The following LRP12 variants were observed in gnomAD, a reference collection of about 807,000 sequenced individuals.
LRP12 encodes low-density lipoprotein receptor-related protein 12.
LRP12 carries 14 observed loss-of-function variants against 66.0 expected under a neutral mutation model. The observed-to-expected ratio is 0.21, with a 90% confidence interval of 0.14 to 0.33. The LOEUF (loss-of-function observed/expected upper bound fraction) is 0.33. Among genes scored for constraint, LRP12 ranks in the 10% least tolerant of loss-of-function variants. The probability of loss-of-function intolerance (pLI) is 1.00; values close to 1 mark genes in which losing one functional copy is unlikely to be tolerated. For synonymous variants in LRP12, 357 were observed against 359.1 expected (o/e 0.99, Z 0.07); for missense variants, 889 against 1,053.4 (o/e 0.84, Z 2.16).
At chr8:104,568,666 A>G (rs1812038638) in intron 1 of LRP12, among the ~76,000 whole-genome samples, 1 of 152,158 alleles carries the variant, frequency 6.6e-6, no homozygotes, top group Non-Finnish European at 1.5e-5. Flanking sequence ...GCCAATAAAC[A>G]TATGAGAAGA....
intron 1 of LRP12, among the ~76,000 whole-genome samples, chr8:104,541,763 T>C (rs1423918840): frequency 1.3e-5 from 2 of 152,218 alleles, no homozygotes; most frequent in Non-Finnish European, 2.9e-5. Flanking sequence ...ATACAATATG[T>C]GGTCTTTTGT....
At chr8:104,547,441 T>A (rs1357918016) in intron 1 of LRP12, among the ~76,000 whole-genome samples, 2 of 135,312 alleles carry the variant, frequency 1.5e-5, no homozygotes, top group Non-Finnish European at 3.1e-5. Flanking sequence ...TTCTGTTATA[T>A]TTTGTATATA....
intron 1 of LRP12, among the ~76,000 whole-genome samples, chr8:104,543,262 T>C (rs1811506236): frequency 6.6e-6 from 1 of 152,038 alleles, no homozygotes; most frequent in Non-Finnish European, 1.5e-5. Flanking sequence ...ATCAGTACCA[T>C]TTTTCCAAGA....
intron 2 of LRP12, among the ~76,000 whole-genome samples, chr8:104,531,495 T>C (rs1162487369): frequency 1.3e-5 from 2 of 152,106 alleles, no homozygotes; most frequent in African/African-American, 4.8e-5. Flanking sequence ...TCAAATACAA[T>C]AGTTATATGT....
intron 1 of LRP12, among the ~76,000 whole-genome samples, chr8:104,536,015 C>A (rs898919232): frequency 6.6e-6 from 1 of 151,988 alleles, no homozygotes; most frequent in Non-Finnish European, 1.5e-5. Context: ...TTCTACTGCT[C>A]AGTGAGAATA....
chr8:104,531,760 G>C (rs1811327828), intron 2 of LRP12, 147 bp downstream of exon 2: 1 of 571,446 alleles, frequency 1.7e-6, no homozygotes, highest in East Asian at 3.1e-5. Context: ...ATTTCTCCAT[G>C]TTCCAGTTAC....
At position 104,489,804 on chromosome 8, in the gene LRP12, G is replaced by A. The variant is rs1035188584; in HGVS notation, c.*869C>T. 14 of 152,682 alleles carry A rather than the reference G, an allele frequency of 9.2e-5. No individual in the cohort carries two copies. The highest frequency in any genetic ancestry group is 3.9e-4 in the East Asian group (2 of 5,182). 9.5% of individuals were successfully genotyped at this position (152,682 alleles called of 1,614,324 possible). On this transcript the variant is annotated 3_prime_UTR_variant, in exon 7 of 7. Coordinates refer to ENST00000276654, the MANE Select transcript of LRP12 (RefSeq NM_013437.5). ...CATCTGAGACCTTGATATAATTTTA[G>A]TGCAAATCCCTAGGGTCCAATGCAA...
intron 1 of LRP12, among the ~76,000 whole-genome samples, chr8:104,539,251 T>C (rs1588496777): frequency 6.6e-6 from 1 of 152,162 alleles, no homozygotes; most frequent in East Asian, 1.9e-4. Context: ...GGCATGGCAC[T>C]TATATTGATT....
chr8:104,490,770 C>T lies in LRP12; in HGVS notation c.2483G>A (p.Arg828His), dbSNP rs775999184. The T allele has an allele frequency of 1.6e-5, 26 of 1,613,954 alleles. No individual in the cohort carries two copies. The highest frequency in any genetic ancestry group is 1.0e-4 in the Admixed American group (6 of 59,988). ...CTGGGCAGTGTGGACAATACCACAGCGCTCACAGGGGCCATCTCGATTACT... is the reference window on the plus strand; with the variant it reads ...CTGGGCAGTGTGGACAATACCACAGTGCTCACAGGGGCCATCTCGATTACT... ...RPSNRDGPCE[R>H]CGIVHTAQIP... The change falls in exon 7 of 7, where the codon CGC becomes CAC. Residue 828 changes from arginine to histidine, a missense_variant. Around this residue, in one of 3 missense-constraint regions of LRP12, gnomAD observed 800 missense variants for 964.5 expected, o/e 0.83. Transcript: ENST00000276654.
intron 1 of LRP12, among the ~76,000 whole-genome samples, chr8:104,560,113 T>G (rs1418708567): frequency 6.6e-6 from 1 of 151,804 alleles, no homozygotes; most frequent in Non-Finnish European, 1.5e-5. Flanking sequence ...TCCAAAATAT[T>G]TATGGGTCTC....
intron 1 of LRP12, among the ~76,000 whole-genome samples, chr8:104,581,238 A>C (rs1812244586): frequency 6.6e-6 from 1 of 152,186 alleles, no homozygotes; most frequent in Non-Finnish European, 1.5e-5. Context: ...AATGATGAGA[A>C]CACATGGACA....
chr8:104,539,946 T>C (rs1043779057), intron 1 of LRP12, among the ~76,000 whole-genome samples: 3 of 152,182 alleles, frequency 2.0e-5, no homozygotes, highest in Non-Finnish European at 1.5e-5. Flanking sequence ...CTAATATAGT[T>C]TGCCAAAAAG....
chr8:104,529,404 T>C lies in LRP12; in HGVS notation c.136+2503A>G, dbSNP rs145381942. 2.4e-3 allele frequency among the ~76,000 whole-genome samples: 363 copies of C among 152,256 alleles called. 3 individuals carry two copies. The highest frequency in any genetic ancestry group is 9.6e-3 in the East Asian group (50 of 5,184). On this transcript the variant is annotated intron_variant, in intron 2 of 6. Coordinates refer to ENST00000276654, the MANE Select transcript of LRP12 (RefSeq NM_013437.5). ...TGTTATGGTAGCCCTAGAAAACTAA[T>C]ACATATTTCTAAATGTGTATCTGAA...
intron 1 of LRP12, among the ~76,000 whole-genome samples, chr8:104,553,422 C>T (rs538121470): frequency 3.6e-4 from 55 of 152,218 alleles, no homozygotes; most frequent in South Asian, 2.1e-3. Flanking sequence ...GGAGTGAAAC[C>T]GGCCTTTCAG....
chr8:104,588,990 GCCGCCGCCGAGCCA>G lies in LRP12; in HGVS notation c.-107_-94del. ...CGCCGACGCCGCCGCCGCCGCCGCCGCCGCCGCCGAGCCACCGGCTGCTCCCTGCGCTCTCCGCG... is the reference window on the plus strand; with the variant it reads ...CGCCGACGCCGCCGCCGCCGCCGCCGCCGGCTGCTCCCTGCGCTCTCCGCG... On this transcript the variant is annotated 5_prime_UTR_variant, in exon 1 of 7. Transcript: ENST00000276654. The G allele has an allele frequency of 9.8e-6, 9 of 915,842 alleles. No homozygotes were observed. The highest frequency in any genetic ancestry group is 9.7e-6 in the Non-Finnish European group (6 of 617,536). The allele number at this position is 915,842 out of a possible 1,614,324, so 56.7% of individuals were successfully genotyped here.
intron 2 of LRP12, among the ~76,000 whole-genome samples, chr8:104,524,234 C>T (rs2140856034): frequency 9.0e-6 from 1 of 110,620 alleles, no homozygotes; most frequent in Non-Finnish European, 1.8e-5. Context: ...AAAGTCAGAC[C>T]CTGTCTCAAA....
intron 1 of LRP12, among the ~76,000 whole-genome samples, chr8:104,548,079 TTA>T (rs1484152783): frequency 3.1e-4 from 36 of 117,406 alleles, no homozygotes; most frequent in Non-Finnish European, 5.4e-4. Context: ...TATAATTCTG[TTA>T]TATTATATTT....
rs117773592 is a variant in LRP12, at chr8:104,518,011, G to C, written c.137-8937C>G. ...ATGGAAAAAGCAGAGTATGTAGTTA[G>C]ATGATTAGCATAAAAATCAGGTACC... On this transcript the variant is annotated intron_variant, in intron 2 of 6. Coordinates refer to ENST00000276654, the MANE Select transcript of LRP12 (RefSeq NM_013437.5). Among the ~76,000 whole-genome samples, 75 of 152,212 alleles carry C rather than the reference G, an allele frequency of 4.9e-4. No homozygotes were observed. The East Asian group carries it at 0.014, about 29-fold the overall frequency.
intron 1 of LRP12, among the ~76,000 whole-genome samples, chr8:104,582,716 C>T (rs1450476777): frequency 6.6e-6 from 1 of 152,112 alleles, no homozygotes; most frequent in African/African-American, 2.4e-5. Flanking sequence ...CTGTCATCTG[C>T]TGTACAACTA....
Sources: gnomAD v4.1 joint callset for allele counts (sites outside exome capture counted in the v4.1 genomes callset) on GRCh38, gnomAD v4.1.1 for gene constraint, gnomAD v4.1.1 regional missense constraint, MANE v1.5 for transcripts, NCBI Gene and HGNC (gene_info 2026-07-23, HGNC 2026-07-21) for gene names.